TACR1: variants seen among roughly 807,000 people sequenced by gnomAD.
TACR1 encodes the protein substance-P receptor.
TACR1 carries 25 observed loss-of-function variants against 35.8 expected under a neutral mutation model. The observed-to-expected ratio is 0.70, with a 90% CI of 0.51 to 0.98. The LOEUF is 0.98. TACR1 is among the 50% of genes least tolerant of loss of function. The probability of loss-of-function intolerance (pLI) is 0.00; values close to 1 mark genes in which losing one functional copy is unlikely to be tolerated. For synonymous variants in TACR1, 195 were observed against 206.7 expected (o/e 0.94, Z 0.48); for missense variants, 478 against 522.9 (o/e 0.91, Z 0.84).
At chr2:75,160,775 C>A (rs11898871) in intron 1 of TACR1, among the ~76,000 whole-genome samples, 23,463 of 86,680 alleles carry the variant, frequency 0.27, 6,411 homozygotes, top group African/African-American at 0.46. Context: ...AAGACATAAC[C>A]GAAAAAAAAG....
intron 1 of TACR1, among the ~76,000 whole-genome samples, chr2:75,142,125 G>A (rs1674418776): frequency 6.6e-6 from 1 of 152,224 alleles, no homozygotes. Context: ...CTGGAGGGGA[G>A]GCAGTGAGTG....
intron 1 of TACR1, among the ~76,000 whole-genome samples, chr2:75,171,892 C>T (rs945017016): frequency 6.6e-6 from 1 of 152,160 alleles, no homozygotes; most frequent in Non-Finnish European, 1.5e-5. Context: ...TGCCTTGTCT[C>T]AGATGAGACT....
At chr2:75,140,257 T>C (rs1674376385) in intron 1 of TACR1, among the ~76,000 whole-genome samples, 1 of 151,998 alleles carries the variant, frequency 6.6e-6, no homozygotes, top group South Asian at 2.1e-4. Context: ...CTTTTCCCAC[T>C]CAAGTTAATT....
At chr2:75,097,840 G>T (rs1400623415) in intron 2 of TACR1, among the ~76,000 whole-genome samples, 1 of 152,204 alleles carries the variant, frequency 6.6e-6, no homozygotes, top group Non-Finnish European at 1.5e-5. Context: ...ATCCTTACCT[G>T]TTCCTGGTGG....
chr2:75,096,676 G>A (rs1673431257), intron 2 of TACR1, among the ~76,000 whole-genome samples: 1 of 152,150 alleles, frequency 6.6e-6, no homozygotes, highest in Non-Finnish European at 1.5e-5. Context: ...TGGTTCAGCT[G>A]GGGCCTTACT....
intron 1 of TACR1, among the ~76,000 whole-genome samples, chr2:75,157,585 G>A: frequency 6.6e-6 from 1 of 152,178 alleles, no homozygotes; most frequent in East Asian, 1.9e-4. Flanking sequence ...CTGGGGCCAG[G>A]ACTGTGACAA....
At chr2:75,171,155 G>T (rs1675272309) in intron 1 of TACR1, among the ~76,000 whole-genome samples, 1 of 152,172 alleles carries the variant, frequency 6.6e-6, no homozygotes, top group Non-Finnish European at 1.5e-5. Flanking sequence ...TCATGGGCTG[G>T]GCCAGGGGCC....
chr2:75,072,396 G>A (rs1177924535), intron 2 of TACR1, among the ~76,000 whole-genome samples: 2 of 152,180 alleles, frequency 1.3e-5, no homozygotes, highest in Admixed American at 6.5e-5. Flanking sequence ...CTGGTTTCCC[G>A]TCTTTTGCTG....
chr2:75,133,236 T>A (rs1446888280), intron 1 of TACR1, among the ~76,000 whole-genome samples: 1 of 152,238 alleles, frequency 6.6e-6, no homozygotes, highest in East Asian at 1.9e-4. Flanking sequence ...AAGAAAAAAT[T>A]TTTTGTGCGT....
Position 75,049,353 on chromosome 2 carries a change from C to T in TACR1, c.*79G>A. 1.3e-6 allele frequency: 2 copies of T among 1,486,930 alleles called. No homozygotes were observed. The highest frequency in any genetic ancestry group is 1.8e-6 in the Non-Finnish European group (2 of 1,094,242). The allele number at this position is 1,486,930 out of a possible 1,614,324, so 92.1% of individuals were successfully genotyped here. A position where few individuals can be genotyped will look rare whatever the true frequency, so the allele number is the denominator to read the frequency against. On this transcript the variant is annotated 3_prime_UTR_variant, in exon 5 of 5. Transcript: ENST00000305249. ...CAGTGTGAGGGTGTTTCTGATGGTT[C>T]CAGATGAAGGGAATTTCCATGCATG...
intron 1 of TACR1, among the ~76,000 whole-genome samples, chr2:75,164,028 A>G (rs1037742102): frequency 6.6e-6 from 1 of 151,970 alleles, no homozygotes; most frequent in Admixed American, 6.6e-5. Flanking sequence ...GCAAATACAA[A>G]CTAAGAAAGC....
chr2:75,160,399 A>G (rs1017029180), intron 1 of TACR1, among the ~76,000 whole-genome samples: 2 of 152,176 alleles, frequency 1.3e-5, no homozygotes, highest in Non-Finnish European at 2.9e-5. Context: ...AATAAATCCA[A>G]AATAAATTAG....
At chr2:75,063,790 C>T (rs1172495170) in intron 2 of TACR1, among the ~76,000 whole-genome samples, 3 of 152,206 alleles carry the variant, frequency 2.0e-5, no homozygotes, top group Non-Finnish European at 4.4e-5. Flanking sequence ...ACTCAGAACA[C>T]GTAGGACTTT....
intron 1 of TACR1, among the ~76,000 whole-genome samples, chr2:75,184,729 A>G (rs905549100): frequency 6.6e-6 from 1 of 151,266 alleles, no homozygotes; most frequent in Non-Finnish European, 1.5e-5. Flanking sequence ...TATACAACAT[A>G]TGTGGTAATA....
chr2:75,180,036 T>A (rs1293012368), intron 1 of TACR1, among the ~76,000 whole-genome samples: 1 of 152,206 alleles, frequency 6.6e-6, no homozygotes, highest in African/African-American at 2.4e-5. Flanking sequence ...ATTCCTGCTT[T>A]GGGGTCTTTT....
intron 1 of TACR1, among the ~76,000 whole-genome samples, chr2:75,183,403 G>T (rs993750089): frequency 2.6e-5 from 4 of 152,122 alleles, no homozygotes; most frequent in African/African-American, 9.7e-5. Flanking sequence ...CTCTAAAAAG[G>T]TTAATTATTG....
At chr2:75,156,830 C>T (rs1340168860) in intron 1 of TACR1, among the ~76,000 whole-genome samples, 1 of 152,176 alleles carries the variant, frequency 6.6e-6, no homozygotes, top group Non-Finnish European at 1.5e-5. Context: ...TGTCTTTCTA[C>T]ATTGGATTTG....
chr2:75,112,504 G>A (rs1274549632), intron 2 of TACR1, among the ~76,000 whole-genome samples: 1 of 151,950 alleles, frequency 6.6e-6, no homozygotes, highest in East Asian at 1.9e-4. Flanking sequence ...TGAATCATGT[G>A]GAATGTAGTT....
At chr2:75,082,536 C>T (rs2103835770) in intron 2 of TACR1, among the ~76,000 whole-genome samples, 1 of 152,314 alleles carries the variant, frequency 6.6e-6, no homozygotes, top group South Asian at 2.1e-4. Flanking sequence ...TTTACAGTCC[C>T]ACCAACAGTG....
Sources: gnomAD v4.1 joint callset for allele counts (sites outside exome capture counted in the v4.1 genomes callset) on GRCh38, gnomAD v4.1.1 for gene constraint, MANE v1.5 for transcripts, NCBI Gene and HGNC (gene_info 2026-07-23, HGNC 2026-07-21) for gene names.